Variants in HDC observed in about 807,000 individuals in gnomAD.
The protein encoded by HDC is histidine decarboxylase.
In HDC, 27 loss-of-function variants were observed where a neutral mutation model predicts 64.4. That is an observed-to-expected ratio of 0.42 (90% CI 0.31 to 0.58). The LOEUF (loss-of-function observed/expected upper bound fraction) is 0.58. Ranked by LOEUF, HDC falls within the 20% of genes least tolerant of loss-of-function variation. HDC has a pLI of 0.16. For synonymous variants in HDC, 305 were observed against 314.2 expected, an observed-to-expected ratio of 0.97 and a Z score of 0.31; for missense variants, 711 against 833.9, an observed-to-expected ratio of 0.85 and a Z score of 1.81.
At position 50,242,775 on chromosome 15, in the gene HDC, A is replaced by T; in HGVS notation, c.1474T>A (p.Ser492Thr). ...QPSPRVGNLI[S>T]QIRGARAWAC... ...CAGGCTCTGGCACCCCTGATTTGGG[A>T]GATGAGGTTCCCAACCCGAGGGCTG... Residue 492 changes from serine to threonine, a missense_variant, in exon 12 of 12, where the codon TCC (serine) becomes ACC (threonine). Physicochemically the swap from Ser to Thr is moderately conservative, Grantham distance 58. Around this residue, in one of 3 missense-constraint regions of HDC, gnomAD observed 483 missense variants for 540.9 expected, o/e 0.89. Coordinates refer to ENST00000267845, the MANE Select transcript of HDC (RefSeq NM_002112.4). 6.2e-7 allele frequency: 1 copy of T among 1,613,752 alleles called. No individual in the cohort carries two copies. The highest frequency in any genetic ancestry group is 8.5e-7 in the Non-Finnish European group (1 of 1,179,964).
chr15:50,258,361 G>A (rs1056685082), intron 3 of HDC, 43 bp downstream of exon 3: 1 of 1,107,138 alleles, frequency 9.0e-7, no homozygotes, highest in Non-Finnish European at 1.4e-6. Context: ...ACCACTCCCT[G>A]CTACGTTCCC....
At chr15:50,254,749 T>TCTCC (rs1226768170) in intron 4 of HDC, 85 bp from the exon 5 acceptor site, 3 of 852,610 alleles carry the variant, frequency 3.5e-6, no homozygotes, top group Non-Finnish European at 5.5e-6. Flanking sequence ...TCTCTCTCTC[T>TCTCC]CTCTCTCTCT....
chr15:50,257,552 G>C lies in HDC; in HGVS notation c.319-5C>G, dbSNP rs1169668137. On this transcript the variant is annotated splice_polypyrimidine_tract_variant and splice_region_variant and intron_variant, in intron 3 of 11. Coordinates refer to ENST00000267845, the MANE Select transcript of HDC (RefSeq NM_002112.4). ...TGTACACGCAGGGCTGGATGCCTGA[G>C]AAAGGAAAAGGAACTTCAAACTGCA... The C allele has an allele frequency of 1.2e-6, 2 of 1,614,102 alleles. No individual in the cohort carries two copies. Among genetic ancestry groups the C allele is most frequent in the Admixed American group, 3.3e-5 (2 of 60,028 alleles).
rs746193079 is a variant in HDC, at chr15:50,242,510, T to G, written c.1739A>C (p.Lys580Thr). 21 of 1,614,044 alleles carry G rather than the reference T, an allele frequency of 1.3e-5. No homozygotes were observed. Among genetic ancestry groups the G allele is most frequent in the Non-Finnish European group, 1.7e-5 (20 of 1,180,002 alleles). ...GTTGCAACTGAGGGAGCGCACCGTC[T>G]TCTTCTTAGTCTGCACAGACAAGTA... ...FSYLSVQTKK[K>T]TVRSLSCNSV... Residue 580 changes from lysine (K) to threonine (T), a missense_variant, in exon 12 of 12, where the codon AAG becomes ACG. By Grantham distance (78) the Lys-to-Thr change is moderately conservative (BLOSUM62 -1). Transcript: ENST00000267845.
At chr15:50,265,423 T>G (rs1244400117) in intron 1 of HDC, among the ~76,000 whole-genome samples, 170 bp downstream of exon 1, 3 of 152,068 alleles carry the variant, frequency 2.0e-5, no homozygotes, top group Admixed American at 6.6e-5. Flanking sequence ...AGTTTTACAC[T>G]CTGATCCCAC....
At chr15:50,245,619 G>A (rs760575403) in intron 10 of HDC, among the ~76,000 whole-genome samples, 3 of 152,178 alleles carry the variant, frequency 2.0e-5, no homozygotes, top group Non-Finnish European at 2.9e-5. Flanking sequence ...GCATGGCCAG[G>A]GGTGGTGGCT....
Position 50,242,961 on chromosome 15 carries a change from C to T in HDC, c.1288G>A (p.Ala430Thr), listed in dbSNP as rs767974283. The T allele has an allele frequency of 3.7e-6, 6 of 1,614,026 alleles. No homozygotes were observed. Among genetic ancestry groups the T allele is most frequent in the Non-Finnish European group, 4.2e-6 (5 of 1,179,992 alleles). Reference sequence around the variant, plus strand: ...GCCGGGATGAGGAAGAGACGGCCAGCTTTAGCTATTTCCTTTAACACATTT... The same window carrying T: ...GCCGGGATGAGGAAGAGACGGCCAGTTTTAGCTATTTCCTTTAACACATTT... ...TENVLKEIAK[A>T]GRLFLIPATI... is the part of the protein sequence containing the mutation. Residue 430 changes from alanine to threonine, a missense_variant, in exon 12 of 12, where the codon GCT becomes ACT. Ala to Thr is a moderately conservative substitution (Grantham distance 58, BLOSUM62 0). Coordinates refer to ENST00000267845, the MANE Select transcript of HDC (RefSeq NM_002112.4).
rs1006252921 is a variant in HDC, at chr15:50,254,391, A to G, written c.577-118T>C. On this transcript the variant is annotated intron_variant, in intron 5 of 11. Coordinates refer to ENST00000267845, the MANE Select transcript of HDC (RefSeq NM_002112.4). Reference sequence around the variant, plus strand: ...TGATCATTGGAAGCTTGTCTTCCCTACAGTTGCTGGAGACAAGCTCCCATG... The same window carrying G: ...TGATCATTGGAAGCTTGTCTTCCCTGCAGTTGCTGGAGACAAGCTCCCATG... 9.2e-6 allele frequency: 14 copies of G among 1,526,628 alleles called. No homozygotes were observed. The Admixed American group carries it at 1.7e-4, about 18-fold the overall frequency. 94.6% of individuals were successfully genotyped at this position (1,526,628 alleles called of 1,614,324 possible). A position where few individuals can be genotyped will look rare whatever the true frequency, so the allele number is the denominator to read the frequency against.
intron 9 of HDC, among the ~76,000 whole-genome samples, chr15:50,250,465 T>C (rs1371305935): frequency 6.6e-6 from 1 of 151,644 alleles, no homozygotes; most frequent in Non-Finnish European, 1.5e-5. Context: ...CTGGGAAGAG[T>C]TTACTCTAAC....
rs1457983128 is a variant in HDC, at chr15:50,241,981, G to A, written c.*279C>T. 3.7e-6 allele frequency: 2 copies of A among 541,578 alleles called. No individual in the cohort carries two copies. Among genetic ancestry groups the A allele is most frequent in the Non-Finnish European group, 6.6e-6 (2 of 302,714 alleles). The allele number at this position is 541,578 out of a possible 1,614,324, so 33.5% of individuals were successfully genotyped here. A position where few individuals can be genotyped will look rare whatever the true frequency, so the allele number is the denominator to read the frequency against. ...AGGGACAAGCATAATTTATTTCTGTGTTATATATCATGTCACAAGCTGAAC... is the reference window on the plus strand; with the variant it reads ...AGGGACAAGCATAATTTATTTCTGTATTATATATCATGTCACAAGCTGAAC... On this transcript the variant is annotated 3_prime_UTR_variant, in exon 12 of 12. Transcript: ENST00000267845.
intron 10 of HDC, among the ~76,000 whole-genome samples, chr15:50,244,269 G>A (rs2045446220): frequency 6.6e-6 from 1 of 150,638 alleles, no homozygotes; most frequent in African/African-American, 2.4e-5. Flanking sequence ...AGAGGGCAAG[G>A]GAGTTAGCTG....
At chr15:50,257,580 G>A (rs564184476) in intron 3 of HDC, 33 bp from the exon 4 acceptor site, 2 of 1,612,956 alleles carry the variant, frequency 1.2e-6, no homozygotes, top group South Asian at 1.1e-5. Flanking sequence ...AAACTGCACA[G>A]CCCCAGGGCA....
At chr15:50,262,870 C>G (rs1229300785) in intron 2 of HDC, among the ~76,000 whole-genome samples, 2 of 152,130 alleles carry the variant, frequency 1.3e-5, no homozygotes, top group Non-Finnish European at 2.9e-5. Flanking sequence ...CTTCCTCTCC[C>G]CTGTCTTACT....
intron 3 of HDC, 30 bp from the exon 4 acceptor site, chr15:50,257,577 A>G (rs757850217): frequency 6.2e-7 from 1 of 1,613,254 alleles, no homozygotes; most frequent in Non-Finnish European, 8.5e-7. Flanking sequence ...TTCAAACTGC[A>G]CAGCCCCAGG....
chr15:50,242,581 C>G lies in HDC; in HGVS notation c.1668G>C (p.Glu556Asp), dbSNP rs1387879455. The G allele has an allele frequency of 2.5e-6, 4 of 1,614,148 alleles. No individual in the cohort carries two copies. Among genetic ancestry groups the G allele is most frequent in the Admixed American group, 1.7e-5 (1 of 60,022 alleles). ...GCTTGTGCTTGGTGGCATCTGGGGC[C>G]TCTTCTGAAAAGCAGTCATCAACTG... ...LDPVDDCFSE[E>D]APDATKHKLS... Residue 556 changes from glutamate to aspartate, a missense_variant, in exon 12 of 12, where the codon GAG becomes GAC. Transcript: ENST00000267845.
chr15:50,260,984 G>A (rs781362200), intron 2 of HDC, among the ~76,000 whole-genome samples: 3 of 152,176 alleles, frequency 2.0e-5, no homozygotes, highest in Non-Finnish European at 4.4e-5. Context: ...TGAGCAAAAT[G>A]AGTAAGCAAA....
intron 10 of HDC, among the ~76,000 whole-genome samples, chr15:50,247,054 C>G (rs940257268): frequency 6.6e-6 from 1 of 152,126 alleles, no homozygotes; most frequent in African/African-American, 2.4e-5. Flanking sequence ...AAACTGAGCT[C>G]GTGGAGACGC....
At chr15:50,252,305 T>C in intron 9 of HDC, 125 bp downstream of exon 9, 1 of 739,728 alleles carries the variant, frequency 1.4e-6, no homozygotes, top group East Asian at 2.6e-5. Flanking sequence ...TTGGCAGTAT[T>C]ATGAGATGAG....
chr15:50,242,964 T>C lies in HDC; in HGVS notation c.1285A>G (p.Lys429Glu). Residue 429 changes from lysine to glutamate, a missense_variant, in exon 12 of 12, where the codon AAA becomes GAA. Lys to Glu is a moderately conservative substitution (Grantham distance 56). Around this residue, in one of 3 missense-constraint regions of HDC, gnomAD observed 483 missense variants for 540.9 expected, o/e 0.89. Coordinates refer to ENST00000267845, the MANE Select transcript of HDC (RefSeq NM_002112.4). ...GGGATGAGGAAGAGACGGCCAGCTTTAGCTATTTCCTTTAACACATTTTCT... is the reference window on the plus strand; with the variant it reads ...GGGATGAGGAAGAGACGGCCAGCTTCAGCTATTTCCTTTAACACATTTTCT... ...LTENVLKEIA[K>E]AGRLFLIPAT... 1 of 1,614,054 alleles carries C rather than the reference T, an allele frequency of 6.2e-7. No individual in the cohort carries two copies.
Sources: gnomAD v4.1 joint callset for allele counts (sites outside exome capture counted in the v4.1 genomes callset) on GRCh38, gnomAD v4.1.1 for gene constraint, gnomAD v4.1.1 regional missense constraint, MANE v1.5 for transcripts, NCBI Gene and HGNC (gene_info 2026-07-23, HGNC 2026-07-21) for gene names.